The following ATRNL1 variants were observed in gnomAD, a reference collection of about 807,000 sequenced individuals.
ATRNL1 encodes attractin-like protein 1.
Under a neutral mutation model 182.7 loss-of-function variants are expected in ATRNL1, and 95 were observed. That is an observed-to-expected ratio of 0.52 (90% CI 0.44 to 0.62). ATRNL1 has a LOEUF of 0.62. ATRNL1 is among the 20% of genes least tolerant of loss of function. ATRNL1 has a pLI of 0.00. For missense variants in ATRNL1, 1,471 were observed against 1,679.5 expected, an observed-to-expected ratio of 0.88 and a Z score of 2.17; for synonymous variants, 576 against 568.3, an observed-to-expected ratio of 1.01 and a Z score of -0.19.
chr10:115,337,507 G>A (rs1209322799), intron 19 of ATRNL1, among the ~76,000 whole-genome samples: 4 of 151,610 alleles, frequency 2.6e-5, no homozygotes, highest in African/African-American at 7.3e-5. Context: ...TATTGTTTTT[G>A]TACCCATTAA....
chr10:115,107,464 C>T (rs1554866320), intron 1 of ATRNL1, among the ~76,000 whole-genome samples: 1 of 152,190 alleles, frequency 6.6e-6, no homozygotes, highest in Non-Finnish European at 1.5e-5. Context: ...GGATTGGGCT[C>T]CCAAGACCTC....
chr10:115,094,228 G>GCGCCCCGGGA (rs1253393876), intron 1 of ATRNL1, among the ~76,000 whole-genome samples, 185 bp downstream of exon 1: 2 of 151,738 alleles, frequency 1.3e-5, no homozygotes, highest in African/African-American at 4.8e-5. Context: ...CAGCCCCGGG[G>GCGCCCCGGGA]CGCCCCGGGA....
intron 19 of ATRNL1, among the ~76,000 whole-genome samples, chr10:115,378,504 A>G (rs1187779347): frequency 6.6e-6 from 1 of 152,210 alleles, no homozygotes; most frequent in Non-Finnish European, 1.5e-5. Context: ...ACTGGGACCA[A>G]GATCCAAGGC....
intron 1 of ATRNL1, among the ~76,000 whole-genome samples, chr10:115,114,947 ATTG>A (rs1554869431): frequency 6.6e-6 from 1 of 152,140 alleles, no homozygotes; most frequent in Non-Finnish European, 1.5e-5. Context: ...TCATTGCAGC[ATTG>A]TTCATAATAG....
Position 115,315,506 on chromosome 10 carries a change from C to G in ATRNL1, c.2819-12C>G, listed in dbSNP as rs539610385. ...TCATGTTAACATATTTGTCAATGTT[C>G]CTGTCACGCAGCTCAAAATTGTTCT... On this transcript the variant is annotated splice_polypyrimidine_tract_variant and intron_variant, in intron 17 of 28. Coordinates refer to ENST00000355044, the MANE Select transcript of ATRNL1 (RefSeq NM_207303.4). 1.1e-5 allele frequency: 18 copies of G among 1,582,840 alleles called. No homozygotes were observed. The highest frequency in any genetic ancestry group is 3.4e-4 in the Middle Eastern group (2 of 5,970).
At chr10:115,223,929 A>ATATATATATATATATTTT (rs1420143943) in intron 9 of ATRNL1, among the ~76,000 whole-genome samples, 10 of 44,732 alleles carry the variant, frequency 2.2e-4, no homozygotes, top group African/African-American at 9.2e-4. Flanking sequence ...ATATATATAT[A>ATATATATATATATATTTT]TTTTTTTTTT....
At chr10:115,670,649 T>C (rs1443559984) in intron 26 of ATRNL1, among the ~76,000 whole-genome samples, 1 of 152,122 alleles carries the variant, frequency 6.6e-6, no homozygotes, top group Non-Finnish European at 1.5e-5. Context: ...TGTTACACTT[T>C]AAAGCATATA....
chr10:115,098,094 A>G (rs2085061246), intron 1 of ATRNL1, among the ~76,000 whole-genome samples: 1 of 152,210 alleles, frequency 6.6e-6, no homozygotes, highest in South Asian at 2.1e-4. Context: ...GTTTTATTTT[A>G]ATGGATAATT....
chr10:115,106,819 G>A (rs557891458), intron 1 of ATRNL1, among the ~76,000 whole-genome samples: 4 of 152,146 alleles, frequency 2.6e-5, no homozygotes, highest in Non-Finnish European at 4.4e-5. Flanking sequence ...AGTTTTGGGT[G>A]TGTCTTTATC....
intron 26 of ATRNL1, among the ~76,000 whole-genome samples, chr10:115,684,571 T>C (rs780227917): frequency 3.1e-4 from 47 of 151,718 alleles, no homozygotes; most frequent in Non-Finnish European, 5.8e-4. Flanking sequence ...GAGCTAATTA[T>C]TGTCCATAAT....
In ATRNL1 at chr10:115,760,889, A is replaced by G. The variant is rs149418378; in HGVS notation, c.3903+33534A>G. Among the ~76,000 whole-genome samples, 1,088 of 152,300 alleles carry G rather than the reference A, an allele frequency of 7.1e-3. 13 individuals carry two copies. Among genetic ancestry groups the G allele is most frequent in the African/African-American group, 0.025 (1,028 of 41,574 alleles). Reference sequence around the variant, plus strand: ...GAAGGCTGGTCAATAGCTGCACTCAATTTGCTGTTATTTCCCCATGGAAAG... The same window carrying G: ...GAAGGCTGGTCAATAGCTGCACTCAGTTTGCTGTTATTTCCCCATGGAAAG... On this transcript the variant is annotated intron_variant, in intron 27 of 28. Transcript: ENST00000355044.
chr10:115,434,860 G>A (rs1554964568), intron 21 of ATRNL1, among the ~76,000 whole-genome samples: 1 of 152,020 alleles, frequency 6.6e-6, no homozygotes, highest in Non-Finnish European at 1.5e-5. Flanking sequence ...GCATCCACTG[G>A]CTCCCAAACT....
intron 21 of ATRNL1, among the ~76,000 whole-genome samples, chr10:115,429,671 G>A (rs1333604206): frequency 6.6e-6 from 1 of 152,124 alleles, no homozygotes; most frequent in African/African-American, 2.4e-5. Flanking sequence ...CTAAATATTA[G>A]TTGTTTATAT....
At position 115,127,638 on chromosome 10, in the gene ATRNL1, A is replaced by G; in HGVS notation, c.537A>G (p.Glu179=). ...TAAGGGGCAATGAAACTGTGCCTGAAGTTGTTACTACATCTGGCTATGCAC... is the reference window on the plus strand; with the variant it reads ...TAAGGGGCAATGAAACTGTGCCTGAGGTTGTTACTACATCTGGCTATGCAC... ...PEIRGNETVP[E]VVTTSGYALL... Residue 179 remains glutamate (E), a synonymous_variant, in exon 4 of 29, where the codon GAA becomes GAG. Transcript: ENST00000355044. 1 of 1,606,654 alleles carries G rather than the reference A, an allele frequency of 6.2e-7. No homozygotes were observed. The highest frequency in any genetic ancestry group is 1.7e-5 in the Admixed American group (1 of 58,578).
chr10:115,304,829 A>C (rs1300990207), intron 17 of ATRNL1, among the ~76,000 whole-genome samples: 1 of 152,176 alleles, frequency 6.6e-6, no homozygotes, highest in East Asian at 1.9e-4. Context: ...GGGAATCGCC[A>C]TGTTGAGTGG....
chr10:115,928,359 T>A (rs182567890), intron 28 of ATRNL1, among the ~76,000 whole-genome samples: 99 of 152,208 alleles, frequency 6.5e-4, no homozygotes, highest in Non-Finnish European at 7.8e-4. Flanking sequence ...GCTAACTGAT[T>A]TAATGTTAAT....
chr10:115,545,483 T>G (rs1554993434), intron 25 of ATRNL1, among the ~76,000 whole-genome samples: 4 of 152,100 alleles, frequency 2.6e-5, no homozygotes, highest in Non-Finnish European at 5.9e-5. Flanking sequence ...CACAAACCCT[T>G]AAAGTGTATA....
rs34894694 is a variant in ATRNL1 at position 115,790,635 on chromosome 10, T to TAAA, written c.3904-57229_3904-57227dup. ...ACCTTTAGAAACTTGTAACTTGACT[T>TAAA]AAAAAAAAAAAAAAACTTTTAAACT... is the stretch of plus-strand genomic sequence containing the variant. On this transcript the variant is annotated intron_variant, in intron 27 of 28. Coordinates refer to ENST00000355044, the MANE Select transcript of ATRNL1 (RefSeq NM_207303.4). Among the ~76,000 whole-genome samples the TAAA allele has an allele frequency of 6.9e-4, 97 of 140,130 alleles. 1 individual carries two copies. The highest frequency in any genetic ancestry group is 2.1e-3 in the African/African-American group (83 of 38,982). The allele number at this position is 140,130 out of a possible 152,430, so 91.9% of individuals were successfully genotyped here. A position where few individuals can be genotyped will look rare whatever the true frequency, so the allele number is the denominator to read the frequency against.
At chr10:115,852,350 A>C (rs953375363) in intron 28 of ATRNL1, among the ~76,000 whole-genome samples, 2 of 152,206 alleles carry the variant, frequency 1.3e-5, no homozygotes, top group Non-Finnish European at 2.9e-5. Context: ...GAAATATTAC[A>C]TAATGTTTAA....
Sources: allele counts gnomAD v4.1 joint callset (sites outside exome capture counted in the v4.1 genomes callset), GRCh38; gene constraint gnomAD v4.1.1; transcripts MANE v1.5; gene names NCBI Gene and HGNC (gene_info 2026-07-23, HGNC 2026-07-21).